Variants in ASB7 observed in about 807,000 individuals in gnomAD.
ASB7 encodes the protein ankyrin repeat and SOCS box protein 7.
In ASB7, 4 loss-of-function variants were observed where a neutral mutation model predicts 32.5. The ratio of observed to expected loss-of-function variants is 0.12; its 90% CI spans 0.06 to 0.28. The LOEUF (loss-of-function observed/expected upper bound fraction) is 0.28. Ranked by LOEUF, ASB7 falls within the 10% of genes least tolerant of loss-of-function variation. The probability of loss-of-function intolerance (pLI) is 1.00; values close to 1 mark genes in which losing one functional copy is unlikely to be tolerated. For synonymous variants in ASB7, 172 were observed against 155.6 expected, an observed-to-expected ratio of 1.11 and a Z score of -0.78; for missense variants, 181 against 407.1, an observed-to-expected ratio of 0.44 and a Z score of 4.78.
chr15:100,607,017 G>A, intron 2 of ASB7, among the ~76,000 whole-genome samples: 1 of 152,034 alleles, frequency 6.6e-6, no homozygotes, highest in Non-Finnish European at 1.5e-5. Flanking sequence ...GCCGGGTGTG[G>A]TGGCACGCTC....
intron 4 of ASB7, among the ~76,000 whole-genome samples, chr15:100,617,149 A>G (rs1046643979): frequency 2.6e-5 from 4 of 152,192 alleles, no homozygotes; most frequent in Non-Finnish European, 4.4e-5. Context: ...TTTTTGGGCC[A>G]GGAAACATTC....
intron 4 of ASB7, among the ~76,000 whole-genome samples, chr15:100,619,217 C>A (rs572427055): frequency 1.3e-5 from 2 of 152,206 alleles, no homozygotes; most frequent in East Asian, 3.9e-4. Flanking sequence ...TGGAATTACT[C>A]CAACTCAGGG....
At chr15:100,610,472 G>A (rs989493898) in intron 3 of ASB7, among the ~76,000 whole-genome samples, 11 of 150,122 alleles carry the variant, frequency 7.3e-5, no homozygotes, top group Non-Finnish European at 1.3e-4. Flanking sequence ...TCCAACCTGG[G>A]TGACAGAGCA....
rs1437884967 is a variant in ASB7 at position 100,650,044 on chromosome 15, C to T, written c.*1582C>T. 1 of 152,236 alleles carries T rather than the reference C, an allele frequency of 6.6e-6. No individual in the cohort carries two copies. The highest frequency in any genetic ancestry group is 2.4e-5 in the African/African-American group (1 of 41,464). 9.4% of individuals were successfully genotyped at this position (152,236 alleles called of 1,614,324 possible). A position where few individuals can be genotyped will look rare whatever the true frequency, so the allele number is the denominator to read the frequency against. ...GCTGTTTTCTCAAGCACAGCGTTTG[C>T]TCTTAGACTCTGATCTGCTTGTGCC... On this transcript the variant is annotated 3_prime_UTR_variant, in exon 6 of 6. Coordinates refer to ENST00000332783, the MANE Select transcript of ASB7 (RefSeq NM_198243.3).
chr15:100,648,396 A>G lies in ASB7; in HGVS notation c.891A>G (p.Leu297=), dbSNP rs74039473. 2,834 of 1,609,676 alleles carry G rather than the reference A, an allele frequency of 1.8e-3. 67 individuals are homozygous for G. The African/African-American group carries it at 0.032, about 18-fold the overall frequency. Residue 297 remains leucine (L), a synonymous_variant, in exon 6 of 6, where the codon CTA becomes CTG. Coordinates refer to ENST00000332783, the MANE Select transcript of ASB7 (RefSeq NM_198243.3). ...RQCIGLQNLK[L]LDELPIAKVM... ...GTATAGGCCTTCAAAACCTAAAGCT[A>G]CTTGATGAACTACCAATTGCCAAGG...
chr15:100,612,039 A>G, intron 3 of ASB7, 127 bp from the exon 4 acceptor site: 1 of 614,478 alleles, frequency 1.6e-6, no homozygotes. Context: ...ACACCCAGCT[A>G]GTAGTATGCA....
At chr15:100,608,522 G>A (rs117578900) in intron 2 of ASB7, among the ~76,000 whole-genome samples, 1,997 of 152,158 alleles carry the variant, frequency 0.013, 31 homozygotes, top group Non-Finnish European at 0.019. Flanking sequence ...GGATCTTTCA[G>A]TTGGCTCCTG....
At chr15:100,643,573 T>G (rs2039976566) in intron 5 of ASB7, among the ~76,000 whole-genome samples, 1 of 138,322 alleles carries the variant, frequency 7.2e-6, no homozygotes, top group African/African-American at 2.7e-5. Flanking sequence ...CACTGCAACC[T>G]CTGCCTCCTG....
At chr15:100,644,736 G>A (rs1214433919) in intron 5 of ASB7, among the ~76,000 whole-genome samples, 1 of 152,196 alleles carries the variant, frequency 6.6e-6, no homozygotes, top group Non-Finnish European at 1.5e-5. Flanking sequence ...AGTATCTGAT[G>A]GTGAATCCTG....
intron 3 of ASB7, among the ~76,000 whole-genome samples, chr15:100,610,654 G>C (rs1352355344): frequency 6.6e-6 from 1 of 152,220 alleles, no homozygotes; most frequent in Non-Finnish European, 1.5e-5. Flanking sequence ...TAGGATATTT[G>C]TATTCTTAAG....
intron 5 of ASB7, among the ~76,000 whole-genome samples, chr15:100,639,818 C>T (rs1023337002): frequency 3.3e-5 from 5 of 152,226 alleles, no homozygotes; most frequent in Admixed American, 1.3e-4. Flanking sequence ...ATATCCTGCC[C>T]TTTATAGTAT....
At chr15:100,607,059 A>G (rs1420721016) in intron 2 of ASB7, among the ~76,000 whole-genome samples, 5 of 152,020 alleles carry the variant, frequency 3.3e-5, no homozygotes, top group Non-Finnish European at 7.4e-5. Context: ...AGGCTGAGGC[A>G]GGAGAATCGC....
In ASB7 at chr15:100,646,829, A is replaced by G. The variant is rs188058245; in HGVS notation, c.818-1494A>G. 2.6e-3 allele frequency among the ~76,000 whole-genome samples: 391 copies of G among 152,314 alleles called. 2 individuals carry two copies. Among genetic ancestry groups the G allele is most frequent in the African/African-American group, 8.8e-3 (366 of 41,558 alleles). ...CTCCATGGGTCTCCTCCTGATTTTC[A>G]TAATAACACTGAGACATGATTTGCC... On this transcript the variant is annotated intron_variant, in intron 5 of 5. Coordinates refer to ENST00000332783, the MANE Select transcript of ASB7 (RefSeq NM_198243.3).
At chr15:100,621,540 A>G (rs562776548) in intron 4 of ASB7, among the ~76,000 whole-genome samples, 1 of 152,344 alleles carries the variant, frequency 6.6e-6, no homozygotes, top group Non-Finnish European at 1.5e-5. Flanking sequence ...TGCCACAGAC[A>G]GTGTAAATGT....
intron 5 of ASB7, chr15:100,630,281 A>C: frequency 1.0e-6 from 1 of 987,974 alleles, no homozygotes; most frequent in Non-Finnish European, 1.3e-6. Flanking sequence ...TGAGGGAAGG[A>C]ATGGAGAGAA....
At chr15:100,604,592 A>G (rs1032877032) in intron 2 of ASB7, among the ~76,000 whole-genome samples, 11 of 152,216 alleles carry the variant, frequency 7.2e-5, no homozygotes, top group African/African-American at 2.7e-4. Context: ...AGATAAAGAC[A>G]TAGCTTTTAA....
At chr15:100,632,705 T>C (rs1367813108) in intron 5 of ASB7, among the ~76,000 whole-genome samples, 1 of 152,202 alleles carries the variant, frequency 6.6e-6, no homozygotes, top group African/African-American at 2.4e-5. Context: ...ATGGTGGTCT[T>C]CATTCAGGGA....
intron 4 of ASB7, among the ~76,000 whole-genome samples, chr15:100,614,074 A>G (rs2039719726): frequency 6.6e-6 from 1 of 152,144 alleles, no homozygotes; most frequent in African/African-American, 2.4e-5. Context: ...GGAGTTTGAG[A>G]CCAGCTTGGC....
At chr15:100,625,323 C>T (rs1203078897) in intron 4 of ASB7, among the ~76,000 whole-genome samples, 1 of 152,074 alleles carries the variant, frequency 6.6e-6, no homozygotes, top group Non-Finnish European at 1.5e-5. Context: ...TGCATGTAGA[C>T]CCTGGCAAGA....
Sources: gnomAD v4.1 joint callset for allele counts (sites outside exome capture counted in the v4.1 genomes callset) on GRCh38, gnomAD v4.1.1 for gene constraint, MANE v1.5 for transcripts, NCBI Gene and HGNC (gene_info 2026-07-23, HGNC 2026-07-21) for gene names.